SDC2: variants seen among roughly 807,000 people sequenced by gnomAD.
SDC2 encodes the protein syndecan-2.
SDC2 carries 13 observed loss-of-function variants against 22.2 expected under a neutral mutation model. That is an observed-to-expected ratio of 0.59 (90% CI 0.38 to 0.93). SDC2 has a LOEUF of 0.93. SDC2 is among the 40% of genes least tolerant of loss of function. The pLI, the probability that SDC2 is intolerant of heterozygous loss-of-function variation, is 0.00. For missense variants in SDC2, 235 were observed against 246.8 expected (o/e 0.95, Z 0.32); for synonymous variants, 94 against 92.8 (o/e 1.01, Z -0.07).
intron 4 of SDC2, among the ~76,000 whole-genome samples, chr8:96,609,134 C>G (rs549920422): frequency 2.0e-5 from 3 of 152,190 alleles, no homozygotes; most frequent in Admixed American, 2.0e-4. Flanking sequence ...TAGTTAAGAT[C>G]AAGGCCAGAT....
intron 1 of SDC2, among the ~76,000 whole-genome samples, chr8:96,533,098 G>A (rs771449471): frequency 2.6e-5 from 4 of 152,242 alleles, no homozygotes; most frequent in South Asian, 2.1e-4. Context: ...GCTTGGTCTC[G>A]CTGGCTTCAG....
At chr8:96,516,458 C>G (rs901064384) in intron 1 of SDC2, among the ~76,000 whole-genome samples, 1 of 152,000 alleles carries the variant, frequency 6.6e-6, no homozygotes, top group African/African-American at 2.4e-5. Flanking sequence ...AAAAATTCAC[C>G]CATTTAAAGC....
At chr8:96,561,505 G>A (rs1814210483) in intron 1 of SDC2, among the ~76,000 whole-genome samples, 2 of 152,190 alleles carry the variant, frequency 1.3e-5, no homozygotes, top group African/African-American at 4.8e-5. Context: ...TGTACAGGTT[G>A]TGTGGGGCGG....
At chr8:96,583,717 GTA>G (rs60809365) in intron 1 of SDC2, among the ~76,000 whole-genome samples, 13,675 of 116,112 alleles carry the variant, frequency 0.12, 871 homozygotes, top group African/African-American at 0.19. Context: ...GTGTGTGTGT[GTA>G]TATATATATA....
chr8:96,575,804 A>G (rs1203096649), intron 1 of SDC2, among the ~76,000 whole-genome samples: 1 of 152,204 alleles, frequency 6.6e-6, no homozygotes, highest in Non-Finnish European at 1.5e-5. Context: ...CATTAAAACC[A>G]CACACATAGA....
chr8:96,493,970 G>A lies in SDC2; in HGVS notation c.-302G>A. ...GAGTCCGCGGAGGAGCAAAACCACA[G>A]CAGAGCAAGAAGAGCTTCAGAGAGC... On this transcript the variant is annotated 5_prime_UTR_variant, in exon 1 of 5. Transcript: ENST00000302190. 2.2e-6 allele frequency: 1 copy of A among 460,134 alleles called. No individual in the cohort carries two copies. The highest frequency in any genetic ancestry group is 3.8e-6 in the Non-Finnish European group (1 of 262,840). The allele number at this position is 460,134 out of a possible 1,614,324, so 28.5% of individuals were successfully genotyped here. A position where few individuals can be genotyped will look rare whatever the true frequency, so the allele number is the denominator to read the frequency against.
At chr8:96,589,666 C>G (rs541082602) in intron 1 of SDC2, among the ~76,000 whole-genome samples, 1 of 152,218 alleles carries the variant, frequency 6.6e-6, no homozygotes, top group African/African-American at 2.4e-5. Context: ...CCGCCTTGGC[C>G]TCCCAAAGTG....
intron 1 of SDC2, among the ~76,000 whole-genome samples, chr8:96,550,704 T>A (rs758704966): frequency 2.0e-5 from 3 of 152,146 alleles, no homozygotes; most frequent in Non-Finnish European, 4.4e-5. Context: ...CAGATTTCAT[T>A]AGCAAATCAG....
chr8:96,522,372 T>A (rs866447051), intron 1 of SDC2, among the ~76,000 whole-genome samples: 7,310 of 150,198 alleles, frequency 0.049, 532 homozygotes, highest in African/African-American at 0.16. Flanking sequence ...GGTTACCTAT[T>A]TTTTTTTTTT....
At chr8:96,502,681 A>G (rs184827617) in intron 1 of SDC2, among the ~76,000 whole-genome samples, 141 of 152,300 alleles carry the variant, frequency 9.3e-4, no homozygotes, top group African/African-American at 3.2e-3. Flanking sequence ...TGAGCAGACT[A>G]TGGTAGTGTT....
intron 1 of SDC2, among the ~76,000 whole-genome samples, chr8:96,557,740 C>T (rs1371914084): frequency 1.3e-5 from 2 of 151,684 alleles, no homozygotes; most frequent in Admixed American, 6.6e-5. Context: ...CTAACCTGCA[C>T]AATATGCACA....
Position 96,583,717 on chromosome 8 carries a change from G to GTGTATA in SDC2, c.61-9762_61-9761insGTATAT, listed in dbSNP as rs1305001793. On this transcript the variant is annotated intron_variant, in intron 1 of 4. Coordinates refer to ENST00000302190, the MANE Select transcript of SDC2 (RefSeq NM_002998.4). ...TGTGTGTGTGTGTGTGTGTGTGTGT[G>GTGTATA]TATATATATATATGAGAAATTGCAA... Among the ~76,000 whole-genome samples, 644 of 116,708 alleles carry GTGTATA rather than the reference G, an allele frequency of 5.5e-3. 3 individuals carry two copies. Among genetic ancestry groups the GTGTATA allele is most frequent in the African/African-American group, 0.016 (596 of 36,884 alleles). The allele number at this position is 116,708 out of a possible 152,430, so 76.6% of individuals were successfully genotyped here. A position where few individuals can be genotyped will look rare whatever the true frequency, so the allele number is the denominator to read the frequency against.
intron 1 of SDC2, among the ~76,000 whole-genome samples, chr8:96,504,916 A>G (rs1813217099): frequency 1.3e-5 from 2 of 151,924 alleles, no homozygotes; most frequent in Admixed American, 6.6e-5. Context: ...AGATTTGGGT[A>G]GGTAAAGGAA....
intron 1 of SDC2, among the ~76,000 whole-genome samples, chr8:96,591,045 T>C (rs1197289905): frequency 2.0e-5 from 3 of 152,052 alleles, no homozygotes; most frequent in Non-Finnish European, 4.4e-5. Context: ...GGTTGAACGG[T>C]GAGGTGGCTA....
chr8:96,576,368 G>GTTTTTTTTTTTTTTTTTTTTTT lies in SDC2; in HGVS notation c.61-17107_61-17106insTTTTTTTTTTTTTTTTTTTTTT, dbSNP rs1481198542. Among the ~76,000 whole-genome samples, 10 of 16,608 alleles carry GTTTTTTTTTTTTTTTTTTTTTT rather than the reference G, an allele frequency of 6.0e-4. 1 individual carries two copies. Among genetic ancestry groups the GTTTTTTTTTTTTTTTTTTTTTT allele is most frequent in the African/African-American group, 1.2e-3 (10 of 8,014 alleles). The allele number at this position is 16,608 out of a possible 152,430, so 10.9% of individuals were successfully genotyped here. ...ACATAAGTTCAATAATTGGTAGTTT[G>GTTTTTTTTTTTTTTTTTTTTTT]TTTTTGTTTTGTTTTGTTTTTTTTT... On this transcript the variant is annotated intron_variant, in intron 1 of 4. Coordinates refer to ENST00000302190, the MANE Select transcript of SDC2 (RefSeq NM_002998.4).
chr8:96,596,784 G>A (rs1468220967), intron 2 of SDC2, among the ~76,000 whole-genome samples: 2 of 152,172 alleles, frequency 1.3e-5, no homozygotes, highest in African/African-American at 4.8e-5. Context: ...AAACAGTAAA[G>A]GAAACAAAAG....
At chr8:96,556,236 A>G (rs1814110138) in intron 1 of SDC2, among the ~76,000 whole-genome samples, 1 of 152,150 alleles carries the variant, frequency 6.6e-6, no homozygotes, top group Admixed American at 6.5e-5. Context: ...TAGCCTTAGT[A>G]AGAAACTGTA....
intron 1 of SDC2, among the ~76,000 whole-genome samples, chr8:96,571,460 C>G (rs542825435): frequency 9.9e-5 from 15 of 152,148 alleles, no homozygotes; most frequent in Non-Finnish European, 2.2e-4. Context: ...AGAAACAAAG[C>G]AATAAAAAAC....
At chr8:96,519,286 TC>T (rs897007755) in intron 1 of SDC2, among the ~76,000 whole-genome samples, 2 of 152,084 alleles carry the variant, frequency 1.3e-5, no homozygotes, top group African/African-American at 4.8e-5. Flanking sequence ...TCCCTGCCCC[TC>T]CCCCCACACT....
Sources: allele counts gnomAD v4.1 joint callset (sites outside exome capture counted in the v4.1 genomes callset), GRCh38; gene constraint gnomAD v4.1.1; transcripts MANE v1.5; gene names NCBI Gene and HGNC (gene_info 2026-07-23, HGNC 2026-07-21).